The following PDK1 variants were observed in gnomAD, a reference collection of about 807,000 sequenced individuals.
The protein encoded by PDK1 is pyruvate dehydrogenase kinase 1.
A neutral mutation model predicts 54.2 loss-of-function variants in PDK1; 39 were observed. That is an observed-to-expected ratio of 0.72 (90% CI 0.56 to 0.94). PDK1 has a LOEUF of 0.94. Among genes scored for constraint, PDK1 ranks in the 40% least tolerant of loss-of-function variants. PDK1 has a pLI of 0.00. For synonymous variants in PDK1, 221 were observed against 207.1 expected (o/e 1.07, Z -0.58); for missense variants, 552 against 566.0 (o/e 0.98, Z 0.25).
chr2:172,672,675 A>G, the PDK1 span, among the ~76,000 whole-genome samples: 1 of 152,130 alleles, frequency 6.6e-6, no homozygotes, highest in Non-Finnish European at 1.5e-5. Context: ...ATATCATTCA[A>G]TAAAAAGCAG....
the PDK1 span, among the ~76,000 whole-genome samples, chr2:172,630,631 A>G: frequency 4.0e-5 from 3 of 75,826 alleles, no homozygotes; most frequent in Non-Finnish European, 8.9e-5. Context: ...CCTCTAATGG[A>G]ATTTTTTTTT....
chr2:172,695,386 C>G, the PDK1 span, among the ~76,000 whole-genome samples: 2 of 152,144 alleles, frequency 1.3e-5, no homozygotes, highest in East Asian at 1.9e-4. Context: ...GCCCTCTTGT[C>G]ATGCACACAA....
At chr2:172,650,317 A>G in the PDK1 span, among the ~76,000 whole-genome samples, 4 of 152,232 alleles carry the variant, frequency 2.6e-5, no homozygotes, top group Admixed American at 2.6e-4. Flanking sequence ...CTGCCTTGCA[A>G]GAGCTCCTGA....
the PDK1 span, among the ~76,000 whole-genome samples, chr2:172,631,841 C>CT: frequency 6.6e-6 from 1 of 152,190 alleles, no homozygotes; most frequent in South Asian, 2.1e-4. Context: ...CTATGCAACT[C>CT]TTATGTTACG....
chr2:172,556,487 T>G (rs956901798), intron 1 of PDK1, 141 bp downstream of exon 1: 3 of 535,988 alleles, frequency 5.6e-6, no homozygotes, highest in Non-Finnish European at 8.9e-6. Context: ...CCCAGCGCCT[T>G]AGGTGCTTCC....
chr2:172,687,895 G>A, the PDK1 span, among the ~76,000 whole-genome samples: 1 of 152,212 alleles, frequency 6.6e-6, no homozygotes, highest in African/African-American at 2.4e-5. Flanking sequence ...ACTTCCAAGT[G>A]AGGTGGCAGC....
intron 1 of PDK1, 127 bp downstream of exon 1, chr2:172,556,473 C>A: frequency 5.0e-6 from 3 of 597,252 alleles, no homozygotes; most frequent in South Asian, 4.0e-5. Flanking sequence ...TCAGCGTTTC[C>A]GCCCCCAGCG....
the PDK1 span, among the ~76,000 whole-genome samples, chr2:172,703,183 A>G: frequency 2.0e-5 from 3 of 152,288 alleles, no homozygotes; most frequent in Non-Finnish European, 4.4e-5. Context: ...TGCAGCCACA[A>G]GGCAAGGGAA....
the PDK1 span, among the ~76,000 whole-genome samples, chr2:172,712,495 C>T: frequency 1.3e-5 from 2 of 152,200 alleles, no homozygotes; most frequent in Non-Finnish European, 2.9e-5. Context: ...AGCACGGGGT[C>T]CAGCCACTGC....
At chr2:172,712,061 A>G in the PDK1 span, among the ~76,000 whole-genome samples, 1 of 152,042 alleles carries the variant, frequency 6.6e-6, no homozygotes, top group East Asian at 1.9e-4. Context: ...ATAGAGTCAT[A>G]TTAAGACTGT....
the PDK1 span, among the ~76,000 whole-genome samples, chr2:172,626,890 A>G: frequency 6.6e-6 from 1 of 152,384 alleles, no homozygotes; most frequent in East Asian, 1.9e-4. Flanking sequence ...TAGAAGGCAC[A>G]GTAAAATACA....
At chr2:172,652,991 A>G in the PDK1 span, among the ~76,000 whole-genome samples, 1 of 152,206 alleles carries the variant, frequency 6.6e-6, no homozygotes, top group Non-Finnish European at 1.5e-5. Flanking sequence ...ATATGGAACC[A>G]AAAAAGAGCC....
chr2:172,558,858 C>A lies in PDK1; in HGVS notation c.338+9C>A, dbSNP rs536005871. The stretch of plus-strand genomic sequence containing the variant: ...CAATTGGTACAAAGCTGGTAAGATT[C>A]TCATCTTGTGTTTGCAATTTGATGG... On this transcript the variant is annotated intron_variant, in intron 2 of 10. Coordinates refer to ENST00000282077, the MANE Select transcript of PDK1 (RefSeq NM_002610.5). 26 of 1,606,306 alleles carry A rather than the reference C, an allele frequency of 1.6e-5. No individual in the cohort carries two copies. The South Asian group carries it at 2.8e-4, about 17-fold the overall frequency.
chr2:172,690,925 A>G, the PDK1 span, among the ~76,000 whole-genome samples: 1 of 150,178 alleles, frequency 6.7e-6, no homozygotes, highest in Non-Finnish European at 1.5e-5. Flanking sequence ...CAGCAAACCA[A>G]GATGGCACAT....
the PDK1 span, among the ~76,000 whole-genome samples, chr2:172,708,442 G>A: frequency 6.6e-6 from 1 of 152,206 alleles, no homozygotes; most frequent in African/African-American, 2.4e-5. Context: ...GTAGCAAGAG[G>A]AGTGTGCAAG....
the PDK1 span, among the ~76,000 whole-genome samples, chr2:172,630,987 C>A: frequency 1.3e-5 from 2 of 152,182 alleles, no homozygotes; most frequent in South Asian, 2.1e-4. Flanking sequence ...AAAAAATATT[C>A]TTCTACATAT....
chr2:172,631,626 T>C, the PDK1 span, among the ~76,000 whole-genome samples: 2 of 152,330 alleles, frequency 1.3e-5, no homozygotes, highest in South Asian at 4.1e-4. Context: ...TCACAGAAAG[T>C]CATTCTTCTC....
rs1424911916 is a variant in PDK1, at chr2:172,599,598, AT to A, written c.*3630del. 1 of 152,206 alleles carries A rather than the reference AT, an allele frequency of 6.6e-6. No individual in the cohort carries two copies. The highest frequency in any genetic ancestry group is 1.5e-5 in the Non-Finnish European group (1 of 68,034). The allele number at this position is 152,206 out of a possible 1,614,324, so 9.4% of individuals were successfully genotyped here. A position where few individuals can be genotyped will look rare whatever the true frequency, so the allele number is the denominator to read the frequency against. ...CAGTCAAACCCAATGCACTTGAAAA[AT>A]AATATAATTAATACTGTGTGAAGAA... On this transcript the variant is annotated 3_prime_UTR_variant, in exon 11 of 11. Transcript: ENST00000282077.
the PDK1 span, chr2:172,723,148 T>C: frequency 6.6e-6 from 1 of 152,146 alleles, no homozygotes; most frequent in Non-Finnish European, 1.5e-5. Flanking sequence ...AGTCCTGATA[T>C]AGATAAACTT....
Sources: allele counts gnomAD v4.1 joint callset (sites outside exome capture counted in the v4.1 genomes callset), GRCh38; gene constraint gnomAD v4.1.1; transcripts MANE v1.5; gene names NCBI Gene and HGNC (gene_info 2026-07-23, HGNC 2026-07-21).